Variants in DGKI observed in about 807,000 individuals in gnomAD.
DGKI encodes DAG kinase iota.
In DGKI, 55 loss-of-function variants were observed where a neutral mutation model predicts 147.5. The ratio of observed to expected loss-of-function variants is 0.37; its 90% CI spans 0.30 to 0.47. The LOEUF (loss-of-function observed/expected upper bound fraction) is 0.47. Ranked by LOEUF, DGKI falls within the 20% of genes least tolerant of loss-of-function variation. DGKI has a pLI of 1.00. For missense variants in DGKI, 1,007 were observed against 1,323.8 expected (o/e 0.76, Z 3.71); for synonymous variants, 469 against 477.1 (o/e 0.98, Z 0.22).
At chr7:137,660,567 A>T (rs1438947528) in intron 3 of DGKI, among the ~76,000 whole-genome samples, 1 of 152,224 alleles carries the variant, frequency 6.6e-6, no homozygotes, top group Non-Finnish European at 1.5e-5. Flanking sequence ...AGGAGGACAG[A>T]GGCATCAGTG....
At chr7:137,709,601 T>C (rs901508854) in intron 1 of DGKI, among the ~76,000 whole-genome samples, 1 of 152,186 alleles carries the variant, frequency 6.6e-6, no homozygotes, top group Non-Finnish European at 1.5e-5. Context: ...AAAGTACTTA[T>C]GGCTTCATAA....
At chr7:137,391,860 G>A (rs1811377774) in intron 32 of DGKI, among the ~76,000 whole-genome samples, 1 of 152,182 alleles carries the variant, frequency 6.6e-6, no homozygotes, top group African/African-American at 2.4e-5. Context: ...ATTGGTTTCA[G>A]ACTTGGGCTA....
chr7:137,664,606 T>C (rs1191656269), intron 3 of DGKI, among the ~76,000 whole-genome samples: 1 of 152,194 alleles, frequency 6.6e-6, no homozygotes, highest in Non-Finnish European at 1.5e-5. Flanking sequence ...TGCATCTGTA[T>C]TACTGCGGCT....
At chr7:137,822,667 G>C (rs1446343849) in intron 1 of DGKI, among the ~76,000 whole-genome samples, 2 of 151,978 alleles carry the variant, frequency 1.3e-5, no homozygotes, top group African/African-American at 2.4e-5. Flanking sequence ...AATGTAAAGA[G>C]AAGCTATCAG....
chr7:137,727,389 T>A (rs1794747332), intron 1 of DGKI, among the ~76,000 whole-genome samples: 1 of 152,196 alleles, frequency 6.6e-6, no homozygotes, highest in African/African-American at 2.4e-5. Context: ...AGCCACTCAA[T>A]TAGGCAATAC....
intron 1 of DGKI, among the ~76,000 whole-genome samples, chr7:137,732,403 T>G (rs1339149086): frequency 6.6e-6 from 1 of 151,976 alleles, no homozygotes; most frequent in East Asian, 1.9e-4. Flanking sequence ...AAATTCAGAG[T>G]CTATTACAAT....
intron 1 of DGKI, among the ~76,000 whole-genome samples, chr7:137,805,304 C>G (rs1355113519): frequency 6.6e-6 from 1 of 152,200 alleles, no homozygotes; most frequent in East Asian, 1.9e-4. Flanking sequence ...ACAGTGTTCT[C>G]CTTACCTGCC....
rs528290698 is a variant in DGKI at position 137,728,955 on chromosome 7, T to C, written c.402-38953A>G. On this transcript the variant is annotated intron_variant, in intron 1 of 32. Transcript: ENST00000614521. ...ACTATATTTTGGAGTTCTTGGGTGA[T>C]AGGCCATCTGCCTGTAGCTCCTGAG... Among the ~76,000 whole-genome samples the C allele has an allele frequency of 2.1e-4, 32 of 152,288 alleles. No individual in the cohort carries two copies. In the South Asian group the frequency reaches 6.2e-3, roughly 30 times the overall value.
chr7:137,459,158 T>C (rs1029889489), intron 27 of DGKI, among the ~76,000 whole-genome samples: 4 of 152,178 alleles, frequency 2.6e-5, no homozygotes, highest in Non-Finnish European at 4.4e-5. Flanking sequence ...CCAGTAATGA[T>C]AGAAATCTAA....
chr7:137,577,863 G>T (rs978172433), intron 16 of DGKI, among the ~76,000 whole-genome samples: 19 of 152,246 alleles, frequency 1.2e-4, no homozygotes, highest in African/African-American at 4.6e-4. Flanking sequence ...CCCATATTCT[G>T]CCAGTTTCTA....
chr7:137,766,884 C>A (rs1009069943), intron 1 of DGKI, among the ~76,000 whole-genome samples: 2 of 152,200 alleles, frequency 1.3e-5, no homozygotes, highest in African/African-American at 4.8e-5. Context: ...GCCCCAGGAA[C>A]AAGTCTGGGT....
chr7:137,765,862 A>G (rs1215077975), intron 1 of DGKI, among the ~76,000 whole-genome samples: 1 of 152,160 alleles, frequency 6.6e-6, no homozygotes, highest in East Asian at 1.9e-4. Flanking sequence ...GACACACTCT[A>G]TTGTCAATTT....
intron 23 of DGKI, among the ~76,000 whole-genome samples, chr7:137,481,185 G>A (rs781682613): frequency 6.6e-6 from 1 of 152,104 alleles, no homozygotes; most frequent in Admixed American, 6.6e-5. Context: ...AGATTTCAAA[G>A]TCTTCAGACC....
intron 6 of DGKI, among the ~76,000 whole-genome samples, chr7:137,624,992 G>T (rs1461869826): frequency 1.3e-5 from 2 of 152,160 alleles, no homozygotes; most frequent in African/African-American, 4.8e-5. Context: ...AACCAGGACT[G>T]GTTTCACTAC....
chr7:137,601,702 G>A (rs114733370), intron 10 of DGKI, among the ~76,000 whole-genome samples: 1,965 of 152,296 alleles, frequency 0.013, 45 homozygotes, highest in African/African-American at 0.045. Context: ...CTTTGTTACC[G>A]TTAATCCTTT....
intron 21 of DGKI, among the ~76,000 whole-genome samples, chr7:137,507,139 T>C (rs973184013): frequency 6.6e-6 from 1 of 152,190 alleles, no homozygotes; most frequent in Non-Finnish European, 1.5e-5. Context: ...CATATTAGCA[T>C]TCAAAAGGAA....
At chr7:137,650,086 T>C (rs2129010165) in intron 5 of DGKI, among the ~76,000 whole-genome samples, 1 of 152,276 alleles carries the variant, frequency 6.6e-6, no homozygotes, top group East Asian at 1.9e-4. Flanking sequence ...TTAGTAGTAG[T>C]AAGAATTCTT....
chr7:137,632,352 CAGG>C (rs1821150123), intron 6 of DGKI, among the ~76,000 whole-genome samples: 1 of 152,118 alleles, frequency 6.6e-6, no homozygotes, highest in Non-Finnish European at 1.5e-5. Context: ...GGTAAGTCCC[CAGG>C]AGAAGAATCT....
intron 21 of DGKI, among the ~76,000 whole-genome samples, chr7:137,500,109 T>C (rs558830075): frequency 1.9e-4 from 29 of 152,286 alleles, no homozygotes; most frequent in African/African-American, 6.3e-4. Flanking sequence ...ATTCAGGTAA[T>C]AGGAACTACA....
Sources: allele counts gnomAD v4.1 joint callset (sites outside exome capture counted in the v4.1 genomes callset), GRCh38; gene constraint gnomAD v4.1.1; transcripts MANE v1.5; gene names NCBI Gene and HGNC (gene_info 2026-07-23, HGNC 2026-07-21).